Variants in MED12L observed in about 807,000 individuals in gnomAD.
MED12L encodes mediator of RNA polymerase II transcription subunit 12-like protein.
A neutral mutation model predicts 281.3 loss-of-function variants in MED12L; 60 were observed. The ratio of observed to expected loss-of-function variants is 0.21; its 90% CI spans 0.17 to 0.26. MED12L has a LOEUF of 0.26. MED12L is among the 10% of genes least tolerant of loss of function. The pLI, the probability that MED12L is intolerant of heterozygous loss-of-function variation, is 1.00. For synonymous variants in MED12L, 974 were observed against 987.2 expected (o/e 0.99, Z 0.25); for missense variants, 2,146 against 2,680.9 (o/e 0.80, Z 4.41).
At chr3:151,290,341 T>A (rs577829244) in intron 16 of MED12L, among the ~76,000 whole-genome samples, 21 of 144,930 alleles carry the variant, frequency 1.4e-4, no homozygotes, top group East Asian at 1.4e-3. Context: ...GACTTTTTTT[T>A]AAATCATTTT....
intron 5 of MED12L, among the ~76,000 whole-genome samples, chr3:151,134,938 T>A (rs1715924841): frequency 6.6e-6 from 1 of 151,882 alleles, no homozygotes. Context: ...TGAAAAGCCA[T>A]GGAAGGGTTT....
At chr3:151,372,304 T>G (rs1756282646) in intron 26 of MED12L, among the ~76,000 whole-genome samples, 1 of 152,204 alleles carries the variant, frequency 6.6e-6, no homozygotes, top group Non-Finnish European at 1.5e-5. Context: ...ATAATGGCCT[T>G]TCCAAGTTTG....
intron 16 of MED12L, among the ~76,000 whole-genome samples, chr3:151,306,706 C>T (rs796237855): frequency 7.9e-5 from 12 of 152,296 alleles, no homozygotes; most frequent in African/African-American, 2.4e-4. Context: ...AAGAGCAGGC[C>T]GGTGTGCCCT....
intron 16 of MED12L, among the ~76,000 whole-genome samples, chr3:151,227,215 T>C (rs1368674635): frequency 6.6e-6 from 1 of 152,224 alleles, no homozygotes; most frequent in African/African-American, 2.4e-5. Flanking sequence ...GTGCTAAGTT[T>C]TCACATTAGA....
At chr3:151,270,600 G>A (rs1308387196) in intron 16 of MED12L, among the ~76,000 whole-genome samples, 1 of 152,136 alleles carries the variant, frequency 6.6e-6, no homozygotes, top group African/African-American at 2.4e-5. Context: ...TTGCCAACAT[G>A]TATCTGTCTA....
chr3:151,149,584 G>A (rs1718187459), intron 5 of MED12L, among the ~76,000 whole-genome samples: 1 of 152,122 alleles, frequency 6.6e-6, no homozygotes, highest in Non-Finnish European at 1.5e-5. Context: ...GAGGTTGGGG[G>A]TGGATGTAGC....
chr3:151,108,061 T>C (rs1345700536), intron 2 of MED12L, among the ~76,000 whole-genome samples: 2 of 152,140 alleles, frequency 1.3e-5, no homozygotes, highest in African/African-American at 4.8e-5. Flanking sequence ...GCTTTTTCGC[T>C]TCTCAGGGGA....
chr3:151,238,868 T>C (rs1333789174), intron 16 of MED12L, among the ~76,000 whole-genome samples: 1 of 152,262 alleles, frequency 6.6e-6, no homozygotes, highest in Non-Finnish European at 1.5e-5. Flanking sequence ...AATTGAGTTA[T>C]AAGCTGAATT....
Position 151,328,562 on chromosome 3 carries a change from A to G in MED12L, c.2251-21497A>G. ...GAAGAACAAAAAGAACCAGATGAAG[A>G]TTGAGACCGTTTTTGCAAAAACAGG... On this transcript the variant is annotated intron_variant, in intron 16 of 44. Transcript: ENST00000687756. 6.2e-7 allele frequency: 1 copy of G among 1,613,854 alleles called. No individual in the cohort carries two copies. Among genetic ancestry groups the G allele is most frequent in the Non-Finnish European group, 8.5e-7 (1 of 1,179,844 alleles).
At chr3:151,342,331 A>G (rs1362334782) in intron 16 of MED12L, among the ~76,000 whole-genome samples, 1 of 152,188 alleles carries the variant, frequency 6.6e-6, no homozygotes, top group African/African-American at 2.4e-5. Flanking sequence ...AGTGGGAATC[A>G]TTTGTGTTGG....
intron 16 of MED12L, among the ~76,000 whole-genome samples, chr3:151,224,865 C>G (rs9817380): frequency 0.48 from 72,395 of 152,006 alleles, 17,335 homozygotes; most frequent in Non-Finnish European, 0.5. Context: ...GTAACCTTTG[C>G]CTCCTGTGTA....
chr3:151,191,961 A>AT (rs1470949359), intron 14 of MED12L, among the ~76,000 whole-genome samples: 1 of 152,156 alleles, frequency 6.6e-6, no homozygotes, highest in Non-Finnish European at 1.5e-5. Flanking sequence ...TACCATTATT[A>AT]TTTTTTAAAA....
intron 16 of MED12L, among the ~76,000 whole-genome samples, chr3:151,268,792 C>G (rs927051970): frequency 1.3e-5 from 2 of 152,148 alleles, no homozygotes; most frequent in African/African-American, 4.8e-5. Flanking sequence ...ATCAAGGAAG[C>G]AATTTAAGAT....
chr3:151,149,256 C>A (rs1316190284), intron 5 of MED12L, among the ~76,000 whole-genome samples: 1 of 152,020 alleles, frequency 6.6e-6, no homozygotes, highest in Non-Finnish European at 1.5e-5. Context: ...CTAGAGGGAA[C>A]TAAATGTTAG....
rs184316554 is a variant in MED12L at position 151,257,733 on chromosome 3, G to T, written c.2250+64067G>T. On this transcript the variant is annotated intron_variant, in intron 16 of 44. Coordinates refer to ENST00000687756, the MANE Select transcript of MED12L (RefSeq NM_001393769.1). The stretch of plus-strand genomic sequence containing the variant: ...AGAAAACATGCTTTTGAAATTCAGT[G>T]TAAACATGGTATTTATGGAGCTATA... 2.0e-3 allele frequency among the ~76,000 whole-genome samples: 306 copies of T among 152,312 alleles called. 4 individuals are homozygous for T. The highest frequency in any genetic ancestry group is 6.6e-3 in the African/African-American group (274 of 41,562).
chr3:151,360,737 T>A, intron 21 of MED12L, 132 bp downstream of exon 21: 1 of 771,462 alleles, frequency 1.3e-6, no homozygotes. Context: ...AATTTTGATA[T>A]ACTCATGATT....
intron 5 of MED12L, among the ~76,000 whole-genome samples, chr3:151,141,178 G>GTTTTTTTGTTTTTTTTTTTT (rs1553808457): frequency 9.8e-6 from 1 of 102,190 alleles, no homozygotes. Context: ...TTTTTTTTTT[G>GTTTTTTTGTTTTTTTTTTTT]TTTTTTTTGT....
At chr3:151,247,683 G>T (rs1198805145) in intron 16 of MED12L, among the ~76,000 whole-genome samples, 1 of 147,066 alleles carries the variant, frequency 6.8e-6, no homozygotes, top group African/African-American at 2.5e-5. Context: ...AGTGGGTGCA[G>T]TGCACCAGCA....
intron 6 of MED12L, 40 bp from the exon 7 acceptor site, chr3:151,158,648 TC>T: frequency 1.4e-6 from 2 of 1,390,274 alleles, no homozygotes; most frequent in South Asian, 2.4e-5. Context: ...TTGTTTTTTT[TC>T]TTTAACATTA....
Sources: allele counts gnomAD v4.1 joint callset (sites outside exome capture counted in the v4.1 genomes callset), GRCh38; gene constraint gnomAD v4.1.1; transcripts MANE v1.5; gene names NCBI Gene and HGNC (gene_info 2026-07-23, HGNC 2026-07-21).